KANK1: variants seen among roughly 807,000 people sequenced by gnomAD.
KANK1 encodes KN motif and ankyrin repeat domain-containing protein 1.
Under a neutral mutation model 106.2 loss-of-function variants are expected in KANK1, and 109 were observed. The observed-to-expected ratio is 1.03, with a 90% CI of 0.88 to 1.20. The LOEUF is 1.20. Among genes scored for constraint, KANK1 ranks in the 50% most tolerant of loss-of-function variants. The pLI is 0.00. For synonymous variants in KANK1, 873 were observed against 652.2 expected (o/e 1.34, Z -5.16); for missense variants, 2,399 against 1,710.7 (o/e 1.40, Z -7.10).
chr9:659,009 G>GT (rs150629634), intron 1 of KANK1, among the ~76,000 whole-genome samples: 2 of 152,042 alleles, frequency 1.3e-5, no homozygotes, highest in Non-Finnish European at 2.9e-5. Context: ...CTCAACACCT[G>GT]TTTTTTTCTC....
chr9:524,170 A>T (rs73639341), intron 1 of KANK1, among the ~76,000 whole-genome samples: 9,678 of 151,770 alleles, frequency 0.064, 1,299 homozygotes, highest in African/African-American at 0.22. Context: ...GGCTACCAGG[A>T]TGCCAGGAAC....
chr9:649,252 A>G (rs539231285), intron 1 of KANK1, among the ~76,000 whole-genome samples: 3 of 152,132 alleles, frequency 2.0e-5, no homozygotes, highest in African/African-American at 7.2e-5. Context: ...TTAGTTCTTT[A>G]CAGGTAGGGA....
rs1007259705 is a variant in KANK1, at chr9:701,784, T to C, written c.38-9020T>C. On this transcript the variant is annotated intron_variant, in intron 2 of 11. Transcript: ENST00000382297. The stretch of plus-strand genomic sequence containing the variant: ...TCCTGCGATCTAATCTTCTTCCTGG[T>C]GAGTACGTTAATTTTTATGTCTTTC... Among the ~76,000 whole-genome samples, 7 of 152,208 alleles carry C rather than the reference T, an allele frequency of 4.6e-5. No individual in the cohort carries two copies. The South Asian group carries it at 6.2e-4, about 14-fold the overall frequency.
At chr9:613,555 G>A (rs369493033) in intron 1 of KANK1, among the ~76,000 whole-genome samples, 3 of 152,144 alleles carry the variant, frequency 2.0e-5, no homozygotes, top group South Asian at 2.1e-4. Context: ...AAGCCAAAAC[G>A]TTGGACTCCC....
At chr9:527,764 C>G (rs1429721271) in intron 1 of KANK1, among the ~76,000 whole-genome samples, 1 of 150,180 alleles carries the variant, frequency 6.7e-6, no homozygotes, top group East Asian at 1.9e-4. Context: ...TTTGAAAGTC[C>G]TTTTCCCTCA....
intron 3 of KANK1, among the ~76,000 whole-genome samples, chr9:721,389 G>GA (rs1335572141): frequency 6.6e-6 from 1 of 152,122 alleles, no homozygotes; most frequent in Non-Finnish European, 1.5e-5. Context: ...GATTCCTTAT[G>GA]AAAAATGTCA....
At chr9:475,479 C>G (rs1411744294) in intron 3 of KANK1, among the ~76,000 whole-genome samples, 1 of 152,194 alleles carries the variant, frequency 6.6e-6, no homozygotes, top group Non-Finnish European at 1.5e-5. Flanking sequence ...TTCATTCCTG[C>G]TCTGAAGCTT....
intron 1 of KANK1, among the ~76,000 whole-genome samples, chr9:622,721 G>A (rs1036459317): frequency 2.6e-5 from 4 of 152,020 alleles, no homozygotes; most frequent in African/African-American, 9.7e-5. Context: ...GGCCAACATA[G>A]TGAAACCCCA....
At chr9:640,943 GC>G (rs772858374) in intron 1 of KANK1, among the ~76,000 whole-genome samples, 16 of 152,000 alleles carry the variant, frequency 1.1e-4, no homozygotes, top group Non-Finnish European at 1.8e-4. Context: ...TTATCTGCCC[GC>G]CTCGGCCTCC....
At chr9:611,211 A>G (rs1235896949) in intron 1 of KANK1, among the ~76,000 whole-genome samples, 1 of 152,166 alleles carries the variant, frequency 6.6e-6, no homozygotes, top group Non-Finnish European at 1.5e-5. Flanking sequence ...TATTGGGTCC[A>G]GCCCACAGCT....
chr9:471,982 C>T (rs10974667), intron 2 of KANK1, among the ~76,000 whole-genome samples: 12,706 of 152,148 alleles, frequency 0.084, 889 homozygotes, highest in African/African-American at 0.19. Context: ...CTGCCCCCAA[C>T]CCCAACTTCA....
At chr9:526,147 T>C (rs1479693911) in intron 1 of KANK1, among the ~76,000 whole-genome samples, 1 of 151,634 alleles carries the variant, frequency 6.6e-6, no homozygotes, top group Non-Finnish European at 1.5e-5. Context: ...TTATAAAAAT[T>C]TTGGAGCTAA....
intron 2 of KANK1, among the ~76,000 whole-genome samples, chr9:710,102 C>T (rs1009125566): frequency 3.9e-5 from 6 of 152,012 alleles, no homozygotes; most frequent in African/African-American, 9.7e-5. Context: ...CTATTGAGTA[C>T]GGTGTGCACT....
At chr9:671,775 C>T (rs1815196651) in intron 1 of KANK1, among the ~76,000 whole-genome samples, 1 of 151,536 alleles carries the variant, frequency 6.6e-6, no homozygotes, top group Admixed American at 6.6e-5. Context: ...TGGTGAAACC[C>T]CATCTCTACT....
At chr9:522,475 A>C (rs1186678986) in intron 1 of KANK1, among the ~76,000 whole-genome samples, 1 of 151,504 alleles carries the variant, frequency 6.6e-6, no homozygotes, top group Admixed American at 6.6e-5. Context: ...TCTGTGGCAT[A>C]CTGGGGGTAC....
chr9:710,604 A>C (rs1825692259), intron 2 of KANK1, among the ~76,000 whole-genome samples, 200 bp from the exon 3 acceptor site: 1 of 139,436 alleles, frequency 7.2e-6, no homozygotes, highest in African/African-American at 2.7e-5. Context: ...GGGTGACAGA[A>C]TGACCTGTCT....
upstream of KANK1, among the ~76,000 whole-genome samples, chr9:502,865 C>T (rs1277848831): frequency 2.6e-5 from 4 of 152,048 alleles, no homozygotes; most frequent in Non-Finnish European, 4.4e-5. Context: ...GACAGGGTCA[C>T]ACTCTGTAGC....
chr9:541,127 AAAAAACAC>A (rs1281208162), intron 1 of KANK1, among the ~76,000 whole-genome samples: 2 of 152,062 alleles, frequency 1.3e-5, no homozygotes, highest in Non-Finnish European at 2.9e-5. Context: ...AAAAACGAAA[AAAAAACAC>A]AAAAAAACAG....
At chr9:656,505 C>T (rs1404264304) in intron 1 of KANK1, among the ~76,000 whole-genome samples, 5 of 152,140 alleles carry the variant, frequency 3.3e-5, no homozygotes, top group Non-Finnish European at 7.3e-5. Flanking sequence ...TGTGGCCTGT[C>T]ATTGGTCAGT....
Sources: gnomAD v4.1 joint callset for allele counts (sites outside exome capture counted in the v4.1 genomes callset) on GRCh38, gnomAD v4.1.1 for gene constraint, MANE v1.5 for transcripts, NCBI Gene and HGNC (gene_info 2026-07-23, HGNC 2026-07-21) for gene names.